The following TK2 variants were observed in gnomAD, a reference collection of about 807,000 sequenced individuals.
TK2 encodes the protein thymidine kinase 2.
TK2 carries 35 observed loss-of-function variants against 41.9 expected under a neutral mutation model. The ratio of observed to expected loss-of-function variants is 0.84; its 90% confidence interval spans 0.64 to 1.11. The LOEUF is 1.11. TK2 is among the 50% of genes least tolerant of loss of function. The pLI, the probability that TK2 is intolerant of heterozygous loss-of-function variation, is 0.00. For missense variants in TK2, 320 were observed against 351.1 expected (o/e 0.91, Z 0.71); for synonymous variants, 128 against 129.1 (o/e 0.99, Z 0.06).
rs913981712 is a variant in TK2 at position 66,517,835 on chromosome 16, C to G, written c.492G>C (p.Trp164Cys). Residue 164 changes from tryptophan to cysteine, a missense_variant, in exon 7 of 10, where the codon TGG (tryptophan) becomes TGC (cysteine). Coordinates refer to ENST00000544898, the MANE Select transcript of TK2 (RefSeq NM_004614.5). The surrounding 1 kb of genome is among the most constrained non-coding windows in gnomAD (Gnocchi z 4.3). ...PEVDYVVLSE[W>C]FDWILRNMDV... ...CCATGTTCCTCAAGATCCAGTCAAA[C>G]CATTCCGACAGAACTACATAGTCCA... is the stretch of plus-strand genomic sequence containing the variant. The G allele has an allele frequency of 6.2e-7, 1 of 1,614,046 alleles. No homozygotes were observed. Among genetic ancestry groups the G allele is most frequent in the African/African-American group, 1.3e-5 (1 of 74,922 alleles).
In TK2 at chr16:66,511,682, G is replaced by C; in HGVS notation, c.*286C>G. On this transcript the variant is annotated 3_prime_UTR_variant, in exon 10 of 10. Coordinates refer to ENST00000544898, the MANE Select transcript of TK2 (RefSeq NM_004614.5). ...CACACAACAGGTGCTCTCCCTAAGG[G>C]CTTCATGAGAGCGACTCAGCAGCAC... 2.0e-6 allele frequency: 1 copy of C among 502,790 alleles called. No homozygotes were observed. The highest frequency in any genetic ancestry group is 3.6e-6 in the Non-Finnish European group (1 of 276,328). 31.1% of individuals were successfully genotyped at this position (502,790 alleles called of 1,614,324 possible).
intron 3 of TK2, among the ~76,000 whole-genome samples, chr16:66,538,902 G>C (rs1407554183): frequency 3.3e-5 from 5 of 152,126 alleles, no homozygotes; most frequent in Admixed American, 2.0e-4. Context: ...CTGGGATCTG[G>C]CTGTATCATA....
At chr16:66,544,125 TC>T (rs1304995901) in intron 2 of TK2, among the ~76,000 whole-genome samples, 4 of 152,112 alleles carry the variant, frequency 2.6e-5, no homozygotes, top group African/African-American at 9.7e-5. Context: ...CTTGTTCCTA[TC>T]CCCAGCATGA....
At chr16:66,522,024 G>T (rs1198537747) in intron 6 of TK2, among the ~76,000 whole-genome samples, 1 of 152,160 alleles carries the variant, frequency 6.6e-6, no homozygotes, top group Non-Finnish European at 1.5e-5. Flanking sequence ...TTGTGAGGCT[G>T]GCTTCAGTCC....
rs1964397807 is a variant in TK2 at position 66,509,822 on chromosome 16, CCT to C, written c.*2144_*2145del. The C allele has an allele frequency of 6.5e-6, 1 of 152,718 alleles. No individual in the cohort carries two copies. The highest frequency in any genetic ancestry group is 1.5e-5 in the Non-Finnish European group (1 of 68,444). The allele number at this position is 152,718 out of a possible 1,614,324, so 9.5% of individuals were successfully genotyped here. ...TGGTGTCTATGACTGCTCTGTGACCCCTGCCCCCACCAGCTCTGCCTGCCGCA... is the reference window on the plus strand; with the variant it reads ...TGGTGTCTATGACTGCTCTGTGACCCGCCCCCACCAGCTCTGCCTGCCGCA... On this transcript the variant is annotated 3_prime_UTR_variant, in exon 10 of 10. Transcript: ENST00000544898.
At chr16:66,520,335 T>C (rs930178964) in intron 6 of TK2, among the ~76,000 whole-genome samples, 2 of 152,060 alleles carry the variant, frequency 1.3e-5, no homozygotes, top group African/African-American at 4.8e-5. Flanking sequence ...TTATTCAGGG[T>C]CCATCCACAG....
intron 4 of TK2, among the ~76,000 whole-genome samples, chr16:66,531,755 G>C (rs1296747340): frequency 6.6e-6 from 1 of 152,226 alleles, no homozygotes; most frequent in African/African-American, 2.4e-5. Context: ...AATTGGAAAG[G>C]AAGAAGTCAT....
chr16:66,546,965 C>T (rs1299549956), intron 2 of TK2, among the ~76,000 whole-genome samples: 1 of 152,102 alleles, frequency 6.6e-6, no homozygotes, highest in Non-Finnish European at 1.5e-5. Context: ...GTTGCCCAGG[C>T]TGGTCTCAGA....
rs1466054762 is a variant in TK2 at position 66,511,036 on chromosome 16, C to T, written c.*932G>A. 2 of 152,214 alleles carry T rather than the reference C, an allele frequency of 1.3e-5. No individual in the cohort carries two copies. Among genetic ancestry groups the T allele is most frequent in the African/African-American group, 2.4e-5 (1 of 41,452 alleles). The allele number at this position is 152,214 out of a possible 1,614,324, so 9.4% of individuals were successfully genotyped here. ...AAGAGCAAAGCTCCTTATACAAGGA[C>T]ACAGACAGTACGGGAGCCTTGGAAG... On this transcript the variant is annotated 3_prime_UTR_variant, in exon 10 of 10. Coordinates refer to ENST00000544898, the MANE Select transcript of TK2 (RefSeq NM_004614.5).
At chr16:66,544,085 G>A (rs1383287412) in intron 2 of TK2, among the ~76,000 whole-genome samples, 2 of 152,028 alleles carry the variant, frequency 1.3e-5, no homozygotes, top group Non-Finnish European at 2.9e-5. Context: ...CATTTTAACA[G>A]GTTGTTCAGA....
chr16:66,546,067 A>G (rs922323176), intron 2 of TK2, among the ~76,000 whole-genome samples: 4 of 151,886 alleles, frequency 2.6e-5, no homozygotes, highest in African/African-American at 9.7e-5. Context: ...CCATCTCTAC[A>G]ACAAATACAA....
At chr16:66,518,853 C>CT (rs1420347944) in intron 6 of TK2, among the ~76,000 whole-genome samples, 1 of 152,096 alleles carries the variant, frequency 6.6e-6, no homozygotes, top group Non-Finnish European at 1.5e-5. Context: ...TGAGACTTTT[C>CT]TTTTTTTCTT....
chr16:66,517,654 TGAACTCCCATGGGGAAG>T lies in TK2; in HGVS notation c.538+118_538+134del, dbSNP rs962069170. The T allele has an allele frequency of 1.7e-5, 14 of 803,058 alleles. No individual in the cohort carries two copies. The African/African-American group carries it at 2.2e-4, about 13-fold the overall frequency. The allele number at this position is 803,058 out of a possible 1,614,324, so 49.7% of individuals were successfully genotyped here. A position where few individuals can be genotyped will look rare whatever the true frequency, so the allele number is the denominator to read the frequency against. On this transcript the variant is annotated intron_variant, in intron 7 of 9. Coordinates refer to ENST00000544898, the MANE Select transcript of TK2 (RefSeq NM_004614.5). This position sits in a 1 kb window ranked among gnomAD's most constrained non-coding sequence, Gnocchi z 4.3. ...TTCTGTCTGCCCTCAGGGAGAAAGC[TGAACTCCCATGGGGAAG>T]GAACTGCCAAGGGCAAGTGCCTCAC...
intron 6 of TK2, 133 bp from the exon 7 acceptor site, chr16:66,518,010 C>T (rs575373347): frequency 2.6e-6 from 2 of 768,116 alleles, no homozygotes; most frequent in South Asian, 2.8e-5. Flanking sequence ...GTGATCCGTG[C>T]AATACTGGAC....
At position 66,514,381 on chromosome 16, in the gene TK2, G is replaced by A. The variant is rs890666405; in HGVS notation, c.619-570C>T. ...AGTGATCCGCCAGCCTCGGCCTCCC[G>A]AGGTGCCGGGATTGCAGACGGAGTC... On this transcript the variant is annotated intron_variant, in intron 8 of 9. Transcript: ENST00000544898. This position sits in a 1 kb window ranked among gnomAD's most constrained non-coding sequence, Gnocchi z 4.2. Among the ~76,000 whole-genome samples, 94 of 152,356 alleles carry A rather than the reference G, an allele frequency of 6.2e-4. No individual in the cohort carries two copies. Among genetic ancestry groups the A allele is most frequent in the African/African-American group, 2.2e-3 (91 of 41,596 alleles).
intron 1 of TK2, 66 bp downstream of exon 1, chr16:66,549,872 G>A (rs1965733862): frequency 2.3e-6 from 3 of 1,289,702 alleles, no homozygotes; most frequent in Non-Finnish European, 2.9e-6. Flanking sequence ...GGTTCCGGAA[G>A]CCGAGGGGCC....
chr16:66,549,466 T>A (rs1965714384), intron 1 of TK2: 1 of 1,045,462 alleles, frequency 9.6e-7, no homozygotes, highest in Non-Finnish European at 1.2e-6. Context: ...AACAGCCATA[T>A]GGCGGACACC....
chr16:66,541,840 C>A, intron 3 of TK2, 39 bp downstream of exon 3: 1 of 1,609,264 alleles, frequency 6.2e-7, no homozygotes, highest in Non-Finnish European at 8.5e-7. Flanking sequence ...TCCCATCAAG[C>A]TTTCTCCGCT....
intron 8 of TK2, among the ~76,000 whole-genome samples, chr16:66,515,657 A>C (rs1364941497): frequency 2.0e-5 from 3 of 152,230 alleles, no homozygotes; most frequent in Admixed American, 2.0e-4. Flanking sequence ...AATGGCTTGG[A>C]TCACGGCTTG....
Sources: allele counts gnomAD v4.1 joint callset (sites outside exome capture counted in the v4.1 genomes callset), GRCh38; gene constraint gnomAD v4.1.1; non-coding constraint Gnocchi (gnomAD v3.1); transcripts MANE v1.5; gene names NCBI Gene and HGNC (gene_info 2026-07-23, HGNC 2026-07-21).